Variants in NFIB observed in about 807,000 individuals in gnomAD.
NFIB encodes the protein nuclear factor I B, also known as nuclear factor 1 B-type.
A neutral mutation model predicts 61.5 loss-of-function variants in NFIB; 11 were observed. That is an observed-to-expected ratio of 0.18 (90% CI 0.11 to 0.30). The LOEUF is 0.30. NFIB is among the 10% of genes least tolerant of loss of function. The pLI is 1.00. For synonymous variants in NFIB, 260 were observed against 216.5 expected (o/e 1.20, Z -1.76); for missense variants, 471 against 608.9 (o/e 0.77, Z 2.38).
the NFIB span, among the ~76,000 whole-genome samples, chr9:14,521,031 G>A: frequency 6.6e-6 from 1 of 152,094 alleles, no homozygotes; most frequent in South Asian, 2.1e-4. Context: ...CATTGATTCA[G>A]GACAAGAAAA....
chr9:14,477,326 C>T, the NFIB span, among the ~76,000 whole-genome samples: 1 of 151,970 alleles, frequency 6.6e-6, no homozygotes, highest in African/African-American at 2.4e-5. Flanking sequence ...ATTAAAAGTC[C>T]CCCTCTGAAG....
At chr9:14,489,789 T>G in the NFIB span, among the ~76,000 whole-genome samples, 1 of 152,024 alleles carries the variant, frequency 6.6e-6, no homozygotes, top group Admixed American at 6.6e-5. Flanking sequence ...CATATATTAT[T>G]TTATACATAT....
intron 2 of NFIB, among the ~76,000 whole-genome samples, chr9:14,244,061 C>T (rs754767128): frequency 1.2e-4 from 18 of 152,196 alleles, no homozygotes; most frequent in Non-Finnish European, 2.6e-4. Flanking sequence ...AATAATTTTT[C>T]TTTCCTGAAT....
At chr9:14,320,246 A>T (rs902481962) in intron 1 of NFIB, among the ~76,000 whole-genome samples, 5 of 152,228 alleles carry the variant, frequency 3.3e-5, no homozygotes, top group African/African-American at 1.2e-4. Flanking sequence ...TTTCAACAAT[A>T]CTTGGCTTTA....
chr9:14,215,844 A>G (rs2050796351), intron 2 of NFIB, among the ~76,000 whole-genome samples: 1 of 152,222 alleles, frequency 6.6e-6, no homozygotes, highest in Admixed American at 6.5e-5. Context: ...TAATTCAGAT[A>G]AATGACTCAA....
intron 2 of NFIB, among the ~76,000 whole-genome samples, chr9:14,270,239 T>C (rs1480629651): frequency 6.6e-6 from 1 of 152,172 alleles, no homozygotes; most frequent in East Asian, 1.9e-4. Context: ...TAGGCAGAGT[T>C]CCTGTTCACA....
At chr9:14,326,698 G>GAA (rs34910775) in intron 1 of NFIB, among the ~76,000 whole-genome samples, 1,673 of 125,368 alleles carry the variant, frequency 0.013, 36 homozygotes, top group Non-Finnish European at 0.018. Flanking sequence ...GTGGTTTACA[G>GAA]AAAAAAAAAA....
At chr9:14,218,032 G>T (rs1354200248) in intron 2 of NFIB, among the ~76,000 whole-genome samples, 1 of 152,110 alleles carries the variant, frequency 6.6e-6, no homozygotes, top group African/African-American at 2.4e-5. Context: ...AGTTTCTTCC[G>T]TGTTTGCTGG....
intron 1 of NFIB, among the ~76,000 whole-genome samples, chr9:14,323,788 T>A (rs930266460): frequency 6.6e-6 from 1 of 151,600 alleles, no homozygotes; most frequent in East Asian, 1.9e-4. Flanking sequence ...ACACGCAGTA[T>A]TTTTTTTTAA....
the NFIB span, among the ~76,000 whole-genome samples, chr9:14,453,564 T>A: frequency 6.6e-6 from 1 of 152,218 alleles, no homozygotes; most frequent in Non-Finnish European, 1.5e-5. Flanking sequence ...TTCTGAGGCA[T>A]CCATTAAGAA....
chr9:14,450,027 T>C, the NFIB span, among the ~76,000 whole-genome samples: 2 of 152,140 alleles, frequency 1.3e-5, no homozygotes, highest in Non-Finnish European at 2.9e-5. Context: ...TGTGCAGGTT[T>C]GTTACCTAGG....
chr9:14,290,299 T>C (rs973467866), intron 2 of NFIB, among the ~76,000 whole-genome samples: 1 of 152,050 alleles, frequency 6.6e-6, no homozygotes, highest in Admixed American at 6.5e-5. Flanking sequence ...ATTTGCCAAA[T>C]TTAATATTTT....
the NFIB span, among the ~76,000 whole-genome samples, chr9:14,496,482 C>T: frequency 7.2e-5 from 11 of 152,128 alleles, no homozygotes; most frequent in East Asian, 5.8e-4. Context: ...GGATGTTCAA[C>T]GTGTATTTAA....
intron 1 of NFIB, among the ~76,000 whole-genome samples, chr9:14,379,971 C>A (rs1163336955): frequency 6.6e-6 from 1 of 150,854 alleles, no homozygotes; most frequent in Non-Finnish European, 1.5e-5. Flanking sequence ...GTGTGAGCCA[C>A]CGCACCCAGT....
intron 2 of NFIB, among the ~76,000 whole-genome samples, chr9:14,302,423 T>C (rs2059797601): frequency 6.6e-6 from 1 of 152,184 alleles, no homozygotes; most frequent in Non-Finnish European, 1.5e-5. Flanking sequence ...TCAATTATTA[T>C]AACATTTAAC....
the NFIB span, among the ~76,000 whole-genome samples, chr9:14,460,961 T>C: frequency 1.3e-5 from 2 of 152,128 alleles, no homozygotes; most frequent in Non-Finnish European, 2.9e-5. Context: ...CAGAACTTTA[T>C]ACGTCTCTGT....
the NFIB span, among the ~76,000 whole-genome samples, chr9:14,485,586 AG>A: frequency 5.9e-5 from 9 of 152,204 alleles, no homozygotes; most frequent in Non-Finnish European, 1.3e-4. Context: ...AATACAACAC[AG>A]TCCCTGCCTG....
chr9:14,238,079 T>C (rs990294692), intron 2 of NFIB, among the ~76,000 whole-genome samples: 2 of 151,838 alleles, frequency 1.3e-5, no homozygotes, highest in Non-Finnish European at 2.9e-5. Flanking sequence ...AAGAGAGTGG[T>C]AGCTGGAGTG....
chr9:14,365,973 G>A (rs1030012774), intron 1 of NFIB, among the ~76,000 whole-genome samples: 5 of 152,236 alleles, frequency 3.3e-5, no homozygotes, highest in South Asian at 4.2e-4. Context: ...CTCTATGTCA[G>A]GGCCATTCAG....
Sources: gnomAD v4.1 joint callset for allele counts (sites outside exome capture counted in the v4.1 genomes callset) on GRCh38, gnomAD v4.1.1 for gene constraint, MANE v1.5 for transcripts, NCBI Gene and HGNC (gene_info 2026-07-23, HGNC 2026-07-21) for gene names.